The following SLC26A7 variants were observed in gnomAD, a reference collection of about 807,000 sequenced individuals.
The protein encoded by SLC26A7 is solute carrier family 26 member 7, also known as anion exchange transporter.
Under a neutral mutation model 82.5 loss-of-function variants are expected in SLC26A7, and 59 were observed. That is an observed-to-expected ratio of 0.72 (90% CI 0.58 to 0.89). The LOEUF (loss-of-function observed/expected upper bound fraction) is 0.89, where lower values mean the gene tolerates loss of function less well. Among genes scored for constraint, SLC26A7 ranks in the 40% least tolerant of loss-of-function variants. The pLI is 0.00. For missense variants in SLC26A7, 820 were observed against 793.0 expected, an observed-to-expected ratio of 1.03 and a Z score of -0.41; for synonymous variants, 271 against 274.3, an observed-to-expected ratio of 0.99 and a Z score of 0.12.
At chr8:91,376,585 C>A (rs1183256737) in intron 15 of SLC26A7, among the ~76,000 whole-genome samples, 3 of 152,194 alleles carry the variant, frequency 2.0e-5, no homozygotes, top group Non-Finnish European at 4.4e-5. Flanking sequence ...ACAGTATCTT[C>A]TGCAGGGCTG....
intron 10 of SLC26A7, among the ~76,000 whole-genome samples, chr8:91,352,641 C>T (rs1315379940): frequency 6.6e-6 from 1 of 151,940 alleles, no homozygotes; most frequent in Admixed American, 6.6e-5. Context: ...TCACCCTTAC[C>T]ATTTACTTAT....
chr8:91,315,039 T>C (rs1812589900), intron 4 of SLC26A7, among the ~76,000 whole-genome samples: 1 of 152,162 alleles, frequency 6.6e-6, no homozygotes, highest in Non-Finnish European at 1.5e-5. Context: ...GTAACCTTTT[T>C]TTCCCAGGCA....
chr8:91,346,094 G>A (rs545851609), intron 9 of SLC26A7, among the ~76,000 whole-genome samples: 1 of 152,038 alleles, frequency 6.6e-6, no homozygotes, highest in Non-Finnish European at 1.5e-5. Flanking sequence ...CTATTCATCA[G>A]CCTCCAAAAG....
intron 6 of SLC26A7, among the ~76,000 whole-genome samples, chr8:91,336,970 G>A (rs539654465): frequency 2.6e-5 from 4 of 152,220 alleles, no homozygotes; most frequent in Admixed American, 1.3e-4. Flanking sequence ...GAATTTTTAA[G>A]TATGTTAATA....
chr8:91,245,597 T>C (rs1250333322), upstream of SLC26A7, among the ~76,000 whole-genome samples: 8 of 152,252 alleles, frequency 5.3e-5, no homozygotes, highest in East Asian at 1.2e-3. Context: ...TTGGGGTTGA[T>C]AACTTCCAAT....
intron 4 of SLC26A7, among the ~76,000 whole-genome samples, chr8:91,313,422 A>G (rs2130801774): frequency 6.6e-6 from 1 of 152,276 alleles, no homozygotes; most frequent in East Asian, 1.9e-4. Flanking sequence ...TGAATCCTTC[A>G]GCTTTGTTCT....
chr8:91,395,038 T>G, intron 18 of SLC26A7, 24 bp from the exon 19 acceptor site: 1 of 1,611,904 alleles, frequency 6.2e-7, no homozygotes, highest in Non-Finnish European at 8.5e-7. Context: ...TAGCACATAC[T>G]TACTTCTTCC....
intron 11 of SLC26A7, among the ~76,000 whole-genome samples, chr8:91,354,674 G>C (rs918628300): frequency 1.3e-5 from 2 of 152,060 alleles, no homozygotes; most frequent in Non-Finnish European, 2.9e-5. Context: ...AAATGAGGAA[G>C]ACCTAGACCA....
chr8:91,241,790 G>A (rs554336257), intron 2 of SLC26A7, among the ~76,000 whole-genome samples: 3 of 152,012 alleles, frequency 2.0e-5, no homozygotes, highest in Non-Finnish European at 4.4e-5. Flanking sequence ...CCCCTACTTC[G>A]CACATAAAAA....
At chr8:91,291,216 G>A (rs1811859750) in intron 3 of SLC26A7, among the ~76,000 whole-genome samples, 2 of 152,036 alleles carry the variant, frequency 1.3e-5, no homozygotes, top group Admixed American at 1.3e-4. Flanking sequence ...CATTGCACGT[G>A]AAAAGAAAAC....
At chr8:91,305,255 G>A (rs1317838931) in intron 4 of SLC26A7, among the ~76,000 whole-genome samples, 3 of 151,830 alleles carry the variant, frequency 2.0e-5, no homozygotes, top group Admixed American at 6.6e-5. Flanking sequence ...ATCCTTCACC[G>A]GAAGATAGGG....
intron 2 of SLC26A7, among the ~76,000 whole-genome samples, chr8:91,243,512 G>A (rs1810501746): frequency 6.6e-6 from 1 of 152,182 alleles, no homozygotes; most frequent in Non-Finnish European, 1.5e-5. Flanking sequence ...AAGGAGCTGA[G>A]TCTGGAGACT....
chr8:91,306,693 A>G (rs1057330880), intron 4 of SLC26A7, among the ~76,000 whole-genome samples: 1 of 151,460 alleles, frequency 6.6e-6, no homozygotes, highest in African/African-American at 2.4e-5. Flanking sequence ...TAAAGTCTAT[A>G]TGTTGTATCC....
At chr8:91,357,836 G>C (rs1040200062) in intron 11 of SLC26A7, among the ~76,000 whole-genome samples, 1 of 152,118 alleles carries the variant, frequency 6.6e-6, no homozygotes, top group South Asian at 2.1e-4. Flanking sequence ...TACAAAAATG[G>C]GAGAAAATTT....
chr8:91,283,604 G>A (rs1811631408), intron 2 of SLC26A7, among the ~76,000 whole-genome samples: 1 of 152,054 alleles, frequency 6.6e-6, no homozygotes, highest in Admixed American at 6.6e-5. Flanking sequence ...GAAATTATTG[G>A]TACTTAGCCT....
chr8:91,228,844 G>A (rs776971401), intron 2 of SLC26A7, among the ~76,000 whole-genome samples: 1 of 152,192 alleles, frequency 6.6e-6, no homozygotes, highest in African/African-American at 2.4e-5. Flanking sequence ...TTTTAAAACC[G>A]ACCAATTAAA....
chr8:91,311,855 A>G (rs1812498134), intron 4 of SLC26A7, among the ~76,000 whole-genome samples: 1 of 152,198 alleles, frequency 6.6e-6, no homozygotes, highest in South Asian at 2.1e-4. Context: ...TCTTGCTCTC[A>G]GTATATCAGC....
At chr8:91,322,693 A>G (rs954256227) in intron 5 of SLC26A7, among the ~76,000 whole-genome samples, 1 of 152,200 alleles carries the variant, frequency 6.6e-6, no homozygotes, top group Non-Finnish European at 1.5e-5. Flanking sequence ...TGGCAAGGAT[A>G]CTTTCATTGG....
chr8:91,284,996 A>G (rs1162842509), intron 2 of SLC26A7, among the ~76,000 whole-genome samples: 1 of 152,188 alleles, frequency 6.6e-6, no homozygotes, highest in Non-Finnish European at 1.5e-5. Context: ...TAAAGTGCCA[A>G]ACAGGGTGGC....
Sources: allele counts gnomAD v4.1 joint callset (sites outside exome capture counted in the v4.1 genomes callset), GRCh38; gene constraint gnomAD v4.1.1; transcripts MANE v1.5; gene names NCBI Gene and HGNC (gene_info 2026-07-23, HGNC 2026-07-21).